Variants in EXD3 observed in about 807,000 individuals in gnomAD.
EXD3 encodes the protein exonuclease mut-7 homolog.
In EXD3, 92 loss-of-function variants were observed where a neutral mutation model predicts 98.0. That is an observed-to-expected ratio of 0.94 (90% CI 0.79 to 1.12). The LOEUF (loss-of-function observed/expected upper bound fraction) is 1.12, where lower values mean the gene tolerates loss of function less well. Among genes scored for constraint, EXD3 ranks in the 50% most tolerant of loss-of-function variants. EXD3 has a pLI of 0.00. For synonymous variants in EXD3, 569 were observed against 526.0 expected (o/e 1.08, Z -1.12); for missense variants, 1,222 against 1,191.6 (o/e 1.03, Z -0.38).
intron 5 of EXD3, among the ~76,000 whole-genome samples, chr9:137,372,082 C>T (rs1184795913): frequency 1.3e-5 from 2 of 152,190 alleles, no homozygotes; most frequent in African/African-American, 4.8e-5. Flanking sequence ...ACTCAGCAAA[C>T]CACTGTGATT....
intron 3 of EXD3, 117 bp downstream of exon 3, chr9:137,383,196 G>A (rs1337539172): frequency 5.9e-6 from 5 of 841,634 alleles, no homozygotes; most frequent in Non-Finnish European, 9.7e-6. Flanking sequence ...GGACCCTGTG[G>A]CCGTGGGGGG....
intron 2 of EXD3, among the ~76,000 whole-genome samples, chr9:137,391,405 G>T (rs1836901031): frequency 6.6e-6 from 1 of 152,234 alleles, no homozygotes; most frequent in Non-Finnish European, 1.5e-5. Flanking sequence ...CAAGCTGTAG[G>T]GCATGGGTCT....
Position 137,331,886 on chromosome 9 carries a change from C to T in EXD3, c.1999-7743G>A, listed in dbSNP as rs571360521. 1.8e-4 allele frequency among the ~76,000 whole-genome samples: 28 copies of T among 151,866 alleles called. No individual in the cohort carries two copies. The East Asian group carries it at 3.3e-3, about 18-fold the overall frequency. On this transcript the variant is annotated intron_variant, in intron 17 of 21. Coordinates refer to ENST00000340951, the MANE Select transcript of EXD3 (RefSeq NM_017820.5). The stretch of plus-strand genomic sequence containing the variant: ...AGCCGAGAGGGCGCCACTGCACTCC[C>T]GCCTGGGCAACAGGGTGAGACTCCG...
intron 9 of EXD3, 66 bp downstream of exon 9, chr9:137,354,634 C>A: frequency 6.3e-7 from 1 of 1,598,924 alleles, no homozygotes. Flanking sequence ...CAGTGAGTAT[C>A]CCAGGCCAAA....
intron 2 of EXD3, among the ~76,000 whole-genome samples, chr9:137,389,091 G>A (rs997662212): frequency 3.3e-5 from 5 of 152,202 alleles, no homozygotes; most frequent in African/African-American, 1.2e-4. Flanking sequence ...GTGGCCTTCT[G>A]GCGTCCGGGG....
intron 1 of EXD3, among the ~76,000 whole-genome samples, chr9:137,414,353 T>C (rs1216777240): frequency 6.6e-6 from 1 of 152,228 alleles, no homozygotes; most frequent in East Asian, 1.9e-4. Context: ...ACGGGCTGTT[T>C]GTCCAGCAGA....
chr9:137,323,962 CA>C, intron 18 of EXD3, 106 bp from the exon 19 acceptor site: 1 of 1,527,860 alleles, frequency 6.5e-7, no homozygotes, highest in Non-Finnish European at 8.8e-7. Context: ...CTCGGCCCAC[CA>C]GGGGTACGGC....
intron 17 of EXD3, among the ~76,000 whole-genome samples, chr9:137,344,221 C>T (rs1290436864): frequency 6.6e-6 from 1 of 152,036 alleles, no homozygotes; most frequent in East Asian, 1.9e-4. Flanking sequence ...AAACTAGGCC[C>T]TTAGTGTCTC....
At chr9:137,321,401 GGGAGGCT>G (rs1832024479) in intron 19 of EXD3, among the ~76,000 whole-genome samples, 3 of 152,168 alleles carry the variant, frequency 2.0e-5, no homozygotes, top group African/African-American at 7.2e-5. Context: ...AATTGGGCTT[GGGAGGCT>G]GGGATTACTC....
rs181399361 is a variant in EXD3, at chr9:137,352,803, C to T, written c.871-17G>A. The T allele has an allele frequency of 9.5e-6, 15 of 1,576,260 alleles. No homozygotes were observed. Among genetic ancestry groups the T allele is most frequent in the Admixed American group, 1.9e-5 (1 of 52,414 alleles). ...CACCAGGCCCTGTGAGGAGGGTGGC[C>T]GTGAGGATGGAGATGGGGACATTGC... On this transcript the variant is annotated splice_polypyrimidine_tract_variant and intron_variant, in intron 10 of 21. Transcript: ENST00000340951.
In EXD3 at chr9:137,395,402, G is replaced by A. The variant is rs1198158720; in HGVS notation, c.-45C>T. ...ACGCTGGCAGGCAGCTAGGAACGAG[G>A]ATCTGCAGAAACAGACAATCAGGTG... On this transcript the variant is annotated splice_region_variant and 5_prime_UTR_variant, in exon 2 of 22. Coordinates refer to ENST00000340951, the MANE Select transcript of EXD3 (RefSeq NM_017820.5). The surrounding 1 kb of genome is among the most constrained non-coding windows in gnomAD (Gnocchi z 6.5). 6.2e-7 allele frequency: 1 copy of A among 1,612,908 alleles called. No homozygotes were observed. Among genetic ancestry groups the A allele is most frequent in the Admixed American group, 1.7e-5 (1 of 59,998 alleles).
intron 1 of EXD3, among the ~76,000 whole-genome samples, chr9:137,411,175 G>A (rs72765153): frequency 0.035 from 5,384 of 152,116 alleles, 125 homozygotes; most frequent in Non-Finnish European, 0.054. Flanking sequence ...AGGCCTGGCC[G>A]TGAGATGGAG....
In EXD3 at chr9:137,347,543, A is replaced by C. The variant is rs1833998913; in HGVS notation, c.1998+528T>G. Among the ~76,000 whole-genome samples the C allele has an allele frequency of 6.6e-6, 1 of 151,604 alleles. No homozygotes were observed. The highest frequency in any genetic ancestry group is 1.5e-5 in the Non-Finnish European group (1 of 67,934). On this transcript the variant is annotated intron_variant, in intron 17 of 21. Transcript: ENST00000340951. This position sits in a 1 kb window ranked among gnomAD's most constrained non-coding sequence, Gnocchi z 4.2. Reference sequence around the variant, plus strand: ...ACTGTAACCTCTGCCTCCGGTGTTTAAGCGATTCTCGTGTCTCAGCCTCCT... The same window carrying C: ...ACTGTAACCTCTGCCTCCGGTGTTTCAGCGATTCTCGTGTCTCAGCCTCCT...
At chr9:137,382,246 C>T (rs1171222838) in intron 3 of EXD3, among the ~76,000 whole-genome samples, 1 of 149,080 alleles carries the variant, frequency 6.7e-6, no homozygotes, top group African/African-American at 2.5e-5. Context: ...TGCCTGACGG[C>T]CTCATGGCTG....
At chr9:137,336,087 T>C (rs1439353261) in intron 17 of EXD3, among the ~76,000 whole-genome samples, 1 of 152,012 alleles carries the variant, frequency 6.6e-6, no homozygotes, top group East Asian at 1.9e-4. Flanking sequence ...AACTAACCTA[T>C]GGGTACACAA....
intron 2 of EXD3, among the ~76,000 whole-genome samples, chr9:137,384,705 C>T (rs1836494662): frequency 6.6e-6 from 1 of 152,188 alleles, no homozygotes; most frequent in Non-Finnish European, 1.5e-5. Flanking sequence ...CAGCACAAGC[C>T]AAAATGAGAA....
At chr9:137,388,813 C>T (rs908146851) in intron 2 of EXD3, among the ~76,000 whole-genome samples, 2 of 152,192 alleles carry the variant, frequency 1.3e-5, no homozygotes, top group Admixed American at 6.5e-5. Flanking sequence ...TCAGACCCCG[C>T]GGCAGTGAGT....
chr9:137,408,817 C>T (rs931062545), intron 1 of EXD3, among the ~76,000 whole-genome samples: 3 of 152,322 alleles, frequency 2.0e-5, no homozygotes, highest in East Asian at 3.9e-4. Flanking sequence ...GCCAGGCCAG[C>T]GGGCGCACAG....
chr9:137,421,783 A>G (rs572592263), intron 1 of EXD3, among the ~76,000 whole-genome samples: 2 of 152,358 alleles, frequency 1.3e-5, no homozygotes, highest in South Asian at 4.1e-4. Flanking sequence ...GGCTGCGATG[A>G]GTGGGAATCG....
Sources: gnomAD v4.1 joint callset for allele counts (sites outside exome capture counted in the v4.1 genomes callset) on GRCh38, gnomAD v4.1.1 for gene constraint, Gnocchi (gnomAD v3.1) non-coding constraint, MANE v1.5 for transcripts, NCBI Gene and HGNC (gene_info 2026-07-23, HGNC 2026-07-21) for gene names.